Variants in CLRN1 observed in about 807,000 individuals in gnomAD.
The protein encoded by CLRN1 is clarin-1.
Under a neutral mutation model 18.7 loss-of-function variants are expected in CLRN1, and 15 were observed. That is an observed-to-expected ratio of 0.80 (90% CI 0.54 to 1.23). The LOEUF (loss-of-function observed/expected upper bound fraction) is 1.23. Ranked by LOEUF, CLRN1 falls within the 50% of genes most tolerant of loss-of-function variation. CLRN1 has a pLI of 0.00. For missense variants in CLRN1, 311 were observed against 277.5 expected (o/e 1.12, Z -0.86); for synonymous variants, 104 against 102.9 (o/e 1.01, Z -0.07).
At chr3:150,944,619 G>A (rs1714062273) in intron 1 of CLRN1, among the ~76,000 whole-genome samples, 2 of 151,952 alleles carry the variant, frequency 1.3e-5, no homozygotes, top group South Asian at 4.2e-4. Flanking sequence ...CAGCACTTTG[G>A]GAGGCCGAGG....
chr3:150,943,928 C>T, intron 1 of CLRN1: 1 of 1,608,822 alleles, frequency 6.2e-7, no homozygotes, highest in Non-Finnish European at 8.5e-7. Flanking sequence ...AGAGGTTGAG[C>T]AGGGCAGGCT....
chr3:150,927,788 G>T lies in CLRN1; in HGVS notation c.*148C>A. On this transcript the variant is annotated 3_prime_UTR_variant, in exon 3 of 3. Coordinates refer to ENST00000327047, the MANE Select transcript of CLRN1 (RefSeq NM_174878.3). ...TTCTGCTTCCCTTACTTTCCAGCCT[G>T]TATCCTTAGTACGTAATTTGTAAAC... is the stretch of plus-strand genomic sequence containing the variant. 2.9e-6 allele frequency: 3 copies of T among 1,032,724 alleles called. No homozygotes were observed. The highest frequency in any genetic ancestry group is 4.4e-6 in the Non-Finnish European group (3 of 677,296). 64.0% of individuals were successfully genotyped at this position (1,032,724 alleles called of 1,614,324 possible).
intron 1 of CLRN1, among the ~76,000 whole-genome samples, chr3:150,967,070 A>C (rs1243192685): frequency 6.6e-6 from 1 of 152,162 alleles, no homozygotes; most frequent in Non-Finnish European, 1.5e-5. Flanking sequence ...CCCACCTCAA[A>C]TCCAGGTTGC....
chr3:150,955,572 T>G (rs1171679787), intron 1 of CLRN1, among the ~76,000 whole-genome samples: 5 of 152,178 alleles, frequency 3.3e-5, no homozygotes, highest in Admixed American at 3.3e-4. Flanking sequence ...GCAATTGAAA[T>G]GGAATTTCAA....
chr3:150,931,360 A>G (rs1456134), intron 2 of CLRN1, among the ~76,000 whole-genome samples: 89,132 of 152,068 alleles, frequency 0.59, 27,925 homozygotes, highest in East Asian at 0.7. Context: ...TGTGCCCCAC[A>G]TTTAGAGGGT....
At position 150,927,334 on chromosome 3, in the gene CLRN1, G is replaced by C. The variant is rs1454736117; in HGVS notation, c.*602C>G. ...TGACAGGGTCTCACTTTATTGCCCA[G>C]GCTGTAACTCGAACTCCTGAACTCA... On this transcript the variant is annotated 3_prime_UTR_variant, in exon 3 of 3. Coordinates refer to ENST00000327047, the MANE Select transcript of CLRN1 (RefSeq NM_174878.3). The C allele has an allele frequency of 2.4e-6, 1 of 411,526 alleles. No homozygotes were observed. Among genetic ancestry groups the C allele is most frequent in the Non-Finnish European group, 4.7e-6 (1 of 211,034 alleles). The allele number at this position is 411,526 out of a possible 1,614,324, so 25.5% of individuals were successfully genotyped here.
At chr3:150,972,383 A>G (rs1249964046) in intron 1 of CLRN1, 73 bp downstream of exon 1, 1 of 1,607,844 alleles carries the variant, frequency 6.2e-7, no homozygotes, top group East Asian at 2.2e-5. Flanking sequence ...CAAAATTCTC[A>G]AATATAATTC....
Position 150,926,897 on chromosome 3 carries a change from T to A in CLRN1, c.*1039A>T, listed in dbSNP as rs200446881. ...GCTGCAGATCAATTTGATGGGTAATTCAGGGGAAAAAAAAAGTTGACCTGG... is the reference window on the plus strand; with the variant it reads ...GCTGCAGATCAATTTGATGGGTAATACAGGGGAAAAAAAAAGTTGACCTGG... On this transcript the variant is annotated 3_prime_UTR_variant, in exon 3 of 3. Coordinates refer to ENST00000327047, the MANE Select transcript of CLRN1 (RefSeq NM_174878.3). 796 of 1,613,968 alleles carry A rather than the reference T, an allele frequency of 4.9e-4. 11 individuals carry two copies. In the South Asian group the frequency reaches 7.6e-3, roughly 15 times the overall value.
intron 1 of CLRN1, among the ~76,000 whole-genome samples, chr3:150,943,275 G>C (rs77996391): frequency 6.6e-6 from 1 of 152,218 alleles, no homozygotes; most frequent in Non-Finnish European, 1.5e-5. Flanking sequence ...CTGTGTGCCC[G>C]CTCTTTCCCA....
chr3:150,935,121 A>C lies in CLRN1; in HGVS notation c.433+6461T>G, dbSNP rs551972588. Among the ~76,000 whole-genome samples the C allele has an allele frequency of 1.9e-3, 253 of 135,276 alleles. 1 individual carries two copies. Among genetic ancestry groups the C allele is most frequent in the Admixed American group, 4.9e-3 (66 of 13,378 alleles). The allele number at this position is 135,276 out of a possible 152,430, so 88.7% of individuals were successfully genotyped here. A position where few individuals can be genotyped will look rare whatever the true frequency, so the allele number is the denominator to read the frequency against. On this transcript the variant is annotated intron_variant, in intron 2 of 2. Coordinates refer to ENST00000327047, the MANE Select transcript of CLRN1 (RefSeq NM_174878.3). Reference sequence around the variant, plus strand: ...GTTCTTCAGGAATTGGTCCTACATCAATTTTTGTTTTTTTATTTTATTTTA... The same window carrying C: ...GTTCTTCAGGAATTGGTCCTACATCCATTTTTGTTTTTTTATTTTATTTTA...
At chr3:150,945,949 C>T (rs749402245) in intron 1 of CLRN1, among the ~76,000 whole-genome samples, 47 of 152,060 alleles carry the variant, frequency 3.1e-4, no homozygotes, top group Non-Finnish European at 6.0e-4. Flanking sequence ...CACATGAATC[C>T]ACTAAAGTAT....
intron 1 of CLRN1, among the ~76,000 whole-genome samples, chr3:150,946,955 A>G (rs1456609663): frequency 7.4e-6 from 1 of 134,332 alleles, no homozygotes; most frequent in Non-Finnish European, 1.5e-5. Context: ...TGTCCATGTG[A>G]TCTCATTTGA....
chr3:150,961,406 A>G (rs1289951403), intron 1 of CLRN1, among the ~76,000 whole-genome samples: 1 of 152,164 alleles, frequency 6.6e-6, no homozygotes, highest in East Asian at 1.9e-4. Flanking sequence ...TCCCCAGATG[A>G]TTCTAAAGTG....
intron 1 of CLRN1, chr3:150,943,832 G>A (rs1379185030): frequency 6.2e-7 from 1 of 1,614,176 alleles, no homozygotes. Context: ...GGTTGCTGCT[G>A]CAGGGCCTGC....
chr3:150,965,198 G>T (rs1039696965), intron 1 of CLRN1, among the ~76,000 whole-genome samples: 4 of 152,088 alleles, frequency 2.6e-5, no homozygotes, highest in African/African-American at 7.2e-5. Flanking sequence ...TGAATCCCAA[G>T]TCTGCTACCT....
At chr3:150,948,363 A>G (rs1714290543) in intron 1 of CLRN1, among the ~76,000 whole-genome samples, 1 of 151,692 alleles carries the variant, frequency 6.6e-6, no homozygotes, top group South Asian at 2.1e-4. Context: ...GGGCGCCTGT[A>G]GTCCCAGCTA....
At chr3:150,965,647 A>G (rs1715227900) in intron 1 of CLRN1, among the ~76,000 whole-genome samples, 2 of 152,148 alleles carry the variant, frequency 1.3e-5, no homozygotes, top group Admixed American at 1.3e-4. Flanking sequence ...TTCAATAGGT[A>G]AAGTTCATAT....
chr3:150,947,573 C>T (rs1714243072), intron 1 of CLRN1, among the ~76,000 whole-genome samples: 1 of 152,128 alleles, frequency 6.6e-6, no homozygotes, highest in African/African-American at 2.4e-5. Flanking sequence ...CTCTACAGAA[C>T]TCTGTACCCA....
chr3:150,961,025 T>G (rs1292912314), intron 1 of CLRN1, among the ~76,000 whole-genome samples: 1 of 152,244 alleles, frequency 6.6e-6, no homozygotes, highest in Non-Finnish European at 1.5e-5. Flanking sequence ...TACTGAAAAT[T>G]CATCAATCAG....
Sources: allele counts gnomAD v4.1 joint callset (sites outside exome capture counted in the v4.1 genomes callset), GRCh38; gene constraint gnomAD v4.1.1; transcripts MANE v1.5; gene names NCBI Gene and HGNC (gene_info 2026-07-23, HGNC 2026-07-21).